The following TMEM108 variants were observed in gnomAD, a reference collection of about 807,000 sequenced individuals.
TMEM108 encodes cancer/testis antigen 124.
In TMEM108, 12 loss-of-function variants were observed where a neutral mutation model predicts 35.1. The ratio of observed to expected loss-of-function variants is 0.34; its 90% CI spans 0.22 to 0.55. The LOEUF (loss-of-function observed/expected upper bound fraction) is 0.55. Among genes scored for constraint, TMEM108 ranks in the 20% least tolerant of loss-of-function variants. The pLI, the probability that TMEM108 is intolerant of heterozygous loss-of-function variation, is 0.89. For synonymous variants in TMEM108, 287 were observed against 308.6 expected (o/e 0.93, Z 0.73); for missense variants, 680 against 753.3 (o/e 0.90, Z 1.14).
intron 3 of TMEM108, among the ~76,000 whole-genome samples, chr3:133,238,120 C>G (rs1165511405): frequency 6.9e-6 from 1 of 144,944 alleles, no homozygotes; most frequent in African/African-American, 2.4e-5. Context: ...TCCTCCCTCA[C>G]TCACACACAT....
chr3:133,281,441 C>T (rs1388249552), intron 3 of TMEM108, among the ~76,000 whole-genome samples: 1 of 152,202 alleles, frequency 6.6e-6, no homozygotes, highest in Non-Finnish European at 1.5e-5. Flanking sequence ...TAAAAGTTAA[C>T]CTTTGTGGTA....
At position 133,140,358 on chromosome 3, in the gene TMEM108, C is replaced by G. The variant is rs138692866; in HGVS notation, c.-46-88908C>G. On this transcript the variant is annotated intron_variant, in intron 2 of 5. Coordinates refer to ENST00000321871, the MANE Select transcript of TMEM108 (RefSeq NM_023943.4). ...AATTTACCATGACTTGGCCCTAAACCATATTGATTTAATGAACACAGTCAG... is the reference window on the plus strand; with the variant it reads ...AATTTACCATGACTTGGCCCTAAACGATATTGATTTAATGAACACAGTCAG... 7.5e-3 allele frequency among the ~76,000 whole-genome samples: 1,143 copies of G among 152,210 alleles called. 5 individuals are homozygous for G. Among genetic ancestry groups the G allele is most frequent in the Non-Finnish European group, 0.013 (899 of 68,014 alleles).
intron 3 of TMEM108, among the ~76,000 whole-genome samples, chr3:133,348,853 G>A (rs116296827): frequency 0.013 from 1,940 of 152,184 alleles, 45 homozygotes; most frequent in African/African-American, 0.043. Context: ...AAAACAAATA[G>A]AGGAAAATAT....
intron 2 of TMEM108, among the ~76,000 whole-genome samples, chr3:133,208,715 G>A (rs538252083): frequency 6.6e-6 from 1 of 152,250 alleles, no homozygotes; most frequent in East Asian, 1.9e-4. Context: ...ATCCAAAACT[G>A]TATTGGGGAA....
chr3:133,318,658 C>G (rs1481329991), intron 3 of TMEM108, among the ~76,000 whole-genome samples: 15 of 152,092 alleles, frequency 9.9e-5, no homozygotes. Context: ...GACAAATGAC[C>G]TGTCTTTCTC....
intron 3 of TMEM108, among the ~76,000 whole-genome samples, chr3:133,300,995 C>CGT (rs879855700): frequency 0.039 from 2,367 of 60,818 alleles, 115 homozygotes; most frequent in African/African-American, 0.1. Context: ...CACACACACA[C>CGT]ACACACACAC....
chr3:133,094,522 A>C (rs980715010), intron 2 of TMEM108, among the ~76,000 whole-genome samples: 1 of 152,168 alleles, frequency 6.6e-6, no homozygotes, highest in African/African-American at 2.4e-5. Context: ...AAAACAAGAC[A>C]TGCTGTTTGT....
chr3:133,128,788 C>T (rs1206971284), intron 2 of TMEM108, among the ~76,000 whole-genome samples: 1 of 152,216 alleles, frequency 6.6e-6, no homozygotes, highest in Non-Finnish European at 1.5e-5. Flanking sequence ...AGGCTGGTCT[C>T]TGGTTCTCCG....
At chr3:133,216,802 A>T (rs760886037) in intron 2 of TMEM108, among the ~76,000 whole-genome samples, 1 of 152,102 alleles carries the variant, frequency 6.6e-6, no homozygotes, top group Non-Finnish European at 1.5e-5. Flanking sequence ...TTGTGTGTAT[A>T]TATATACCAC....
Position 133,299,939 on chromosome 3 carries a change from A to G in TMEM108, c.40+70588A>G, listed in dbSNP as rs140811099. On this transcript the variant is annotated intron_variant, in intron 3 of 5. Transcript: ENST00000321871. ...GATAAATCTGAAAATCAGAGTGGAG[A>G]AAAGTGGAATGTCAGAGTAAGAAGA... 3.1e-3 allele frequency among the ~76,000 whole-genome samples: 479 copies of G among 152,286 alleles called. 7 individuals carry two copies. Among genetic ancestry groups the G allele is most frequent in the African/African-American group, 0.011 (448 of 41,540 alleles).
chr3:133,184,890 A>G (rs1945397660), intron 2 of TMEM108, among the ~76,000 whole-genome samples: 1 of 152,246 alleles, frequency 6.6e-6, no homozygotes, highest in Admixed American at 6.5e-5. Flanking sequence ...AAGGCTCAAA[A>G]GGAAAGTCCA....
At chr3:133,222,567 TTTA>T (rs1013328018) in intron 2 of TMEM108, among the ~76,000 whole-genome samples, 20 of 152,192 alleles carry the variant, frequency 1.3e-4, no homozygotes, top group African/African-American at 4.8e-4. Flanking sequence ...TTCATTCCTT[TTTA>T]TTATTTTTTT....
intron 3 of TMEM108, among the ~76,000 whole-genome samples, chr3:133,261,361 C>T (rs776548561): frequency 6.6e-6 from 1 of 152,098 alleles, no homozygotes; most frequent in Non-Finnish European, 1.5e-5. Flanking sequence ...ACAAAGCAGC[C>T]CTTTAATTTC....
intron 3 of TMEM108, among the ~76,000 whole-genome samples, chr3:133,298,328 C>T (rs570592155): frequency 1.0e-3 from 158 of 152,306 alleles, no homozygotes; most frequent in Non-Finnish European, 1.5e-3. Context: ...CCTTCCTCTT[C>T]TAACCCTCTC....
chr3:133,370,871 A>AGTGT (rs71624013), intron 3 of TMEM108, among the ~76,000 whole-genome samples: 6,455 of 125,388 alleles, frequency 0.051, 249 homozygotes, highest in Non-Finnish European at 0.064. Flanking sequence ...CCCAGCCCAT[A>AGTGT]GTGTGTGTGT....
chr3:133,108,931 A>G (rs903581770), intron 2 of TMEM108, among the ~76,000 whole-genome samples: 2 of 152,024 alleles, frequency 1.3e-5, no homozygotes, highest in Non-Finnish European at 2.9e-5. Flanking sequence ...GCACATGTAT[A>G]CATATGTAAC....
intron 3 of TMEM108, among the ~76,000 whole-genome samples, chr3:133,278,992 T>C (rs963078444): frequency 2.6e-5 from 4 of 152,154 alleles, no homozygotes; most frequent in Non-Finnish European, 4.4e-5. Context: ...ACACCACCCT[T>C]GAGTTGATTC....
At chr3:133,310,847 G>T (rs2071119292) in intron 3 of TMEM108, among the ~76,000 whole-genome samples, 2 of 152,112 alleles carry the variant, frequency 1.3e-5, no homozygotes, top group Non-Finnish European at 2.9e-5. Flanking sequence ...CCATGTTTTT[G>T]CAGTGGCTGG....
At chr3:133,249,402 C>T (rs544183259) in intron 3 of TMEM108, among the ~76,000 whole-genome samples, 4 of 152,258 alleles carry the variant, frequency 2.6e-5, no homozygotes, top group South Asian at 4.1e-4. Flanking sequence ...AGGGGAAAAA[C>T]GAGAGTAGGG....
Sources: gnomAD v4.1 joint callset for allele counts (sites outside exome capture counted in the v4.1 genomes callset) on GRCh38, gnomAD v4.1.1 for gene constraint, MANE v1.5 for transcripts, NCBI Gene and HGNC (gene_info 2026-07-23, HGNC 2026-07-21) for gene names.